CHIC2: variants seen among roughly 807,000 people sequenced by gnomAD.
CHIC2 encodes cysteine-rich hydrophobic domain-containing protein 2.
CHIC2 carries 14 observed loss-of-function variants against 25.9 expected under a neutral mutation model. The observed-to-expected ratio is 0.54, with a 90% CI of 0.36 to 0.85. The LOEUF is 0.85. Among genes scored for constraint, CHIC2 ranks in the 40% least tolerant of loss-of-function variants. The probability of loss-of-function intolerance (pLI) is 0.01; values close to 1 mark genes in which losing one functional copy is unlikely to be tolerated. For missense variants in CHIC2, 146 were observed against 202.0 expected, an observed-to-expected ratio of 0.72 and a Z score of 1.68; for synonymous variants, 70 against 72.0, an observed-to-expected ratio of 0.97 and a Z score of 0.14.
At chr4:54,042,269 AAGAG>A (rs1332189027) in intron 3 of CHIC2, among the ~76,000 whole-genome samples, 1 of 152,210 alleles carries the variant, frequency 6.6e-6, no homozygotes, top group African/African-American at 2.4e-5. Flanking sequence ...ATAAAATACA[AAGAG>A]AGAACTTAAG....
At chr4:54,056,080 T>G (rs1717164905) in intron 1 of CHIC2, among the ~76,000 whole-genome samples, 1 of 152,194 alleles carries the variant, frequency 6.6e-6, no homozygotes, top group Non-Finnish European at 1.5e-5. Context: ...TACTCTATCA[T>G]AAACCTCACC....
At chr4:54,014,015 G>C (rs777972759) in intron 4 of CHIC2, 48 bp downstream of exon 4, 1 of 1,600,930 alleles carries the variant, frequency 6.2e-7, no homozygotes, top group African/African-American at 1.3e-5. Flanking sequence ...TTTCCATACT[G>C]TGCAATTCAG....
chr4:54,075,574 GACTGAGTCTC>G, the CHIC2 span, among the ~76,000 whole-genome samples: 1 of 152,158 alleles, frequency 6.6e-6, no homozygotes, highest in South Asian at 2.1e-4. Context: ...GTTATTTTGA[GACTGAGTCTC>G]ACTCTATTAC....
At chr4:54,025,562 T>C (rs1172445143) in intron 3 of CHIC2, among the ~76,000 whole-genome samples, 1 of 151,522 alleles carries the variant, frequency 6.6e-6, no homozygotes, top group Non-Finnish European at 1.5e-5. Context: ...GACCAACAGG[T>C]AGAAAAGGGG....
rs1044170035 is a variant in CHIC2 at position 54,037,263 on chromosome 4, G to A, written c.330+11692C>T. Among the ~76,000 whole-genome samples, 9 of 152,172 alleles carry A rather than the reference G, an allele frequency of 5.9e-5. 1 individual carries two copies. In the South Asian group the frequency reaches 8.3e-4, roughly 14 times the overall value. ...ACTTGGGAGGCCGAGGTAGGAGGATGAGTGGAGCCTGGGAAGTCTGGGAAG... is the reference window on the plus strand; with the variant it reads ...ACTTGGGAGGCCGAGGTAGGAGGATAAGTGGAGCCTGGGAAGTCTGGGAAG... On this transcript the variant is annotated intron_variant, in intron 3 of 5. Coordinates refer to ENST00000263921, the MANE Select transcript of CHIC2 (RefSeq NM_012110.4).
chr4:54,087,699 A>C, the CHIC2 span: 1 of 538,956 alleles, frequency 1.9e-6, no homozygotes, highest in Non-Finnish European at 3.3e-6. Flanking sequence ...ATGATTTCCT[A>C]AAATATCTGG....
At chr4:54,043,891 G>C (rs1181436173) in intron 3 of CHIC2, among the ~76,000 whole-genome samples, 1 of 152,186 alleles carries the variant, frequency 6.6e-6, no homozygotes, top group Admixed American at 6.5e-5. Flanking sequence ...CCATCAGTGT[G>C]CTGTATTCAG....
chr4:54,085,284 C>G, the CHIC2 span, among the ~76,000 whole-genome samples: 1 of 152,092 alleles, frequency 6.6e-6, no homozygotes, highest in Non-Finnish European at 1.5e-5. Context: ...ATGATAAATT[C>G]TTGCCTTAAC....
intron 1 of CHIC2, among the ~76,000 whole-genome samples, chr4:54,058,893 T>C (rs1350909568): frequency 6.6e-6 from 1 of 152,124 alleles, no homozygotes; most frequent in Non-Finnish European, 1.5e-5. Flanking sequence ...TACATATAAT[T>C]TACTTTTCAC....
chr4:54,016,033 TTG>T (rs1164125931), intron 3 of CHIC2, among the ~76,000 whole-genome samples: 3 of 152,248 alleles, frequency 2.0e-5, no homozygotes, highest in Non-Finnish European at 4.4e-5. Context: ...TGAATCTACC[TTG>T]TAATCTTTCT....
At chr4:54,053,240 T>C (rs1304164816) in intron 1 of CHIC2, among the ~76,000 whole-genome samples, 2 of 152,166 alleles carry the variant, frequency 1.3e-5, no homozygotes, top group Admixed American at 6.6e-5. Context: ...CATCTGGTAG[T>C]ATGTAAAACG....
chr4:54,044,618 T>C (rs892869522), intron 3 of CHIC2, among the ~76,000 whole-genome samples: 4 of 151,942 alleles, frequency 2.6e-5, no homozygotes, highest in Non-Finnish European at 5.9e-5. Context: ...AGACACAACA[T>C]ACCAGAATCT....
At chr4:54,049,441 A>C in intron 1 of CHIC2, 136 bp from the exon 2 acceptor site, 1 of 504,056 alleles carries the variant, frequency 2.0e-6, no homozygotes, top group Non-Finnish European at 3.5e-6. Context: ...TGGAAGTTTG[A>C]GATAAAATAA....
the CHIC2 span, among the ~76,000 whole-genome samples, chr4:54,075,870 C>T: frequency 6.6e-6 from 1 of 152,112 alleles, no homozygotes; most frequent in Non-Finnish European, 1.5e-5. Context: ...TATTTACATA[C>T]TGCTTAATAT....
chr4:54,085,765 G>A, the CHIC2 span, among the ~76,000 whole-genome samples: 2 of 152,112 alleles, frequency 1.3e-5, no homozygotes, highest in African/African-American at 4.8e-5. Context: ...AGGGCCACTG[G>A]ATTTAGAAGC....
At chr4:54,087,680 G>A in the CHIC2 span, 1 of 543,350 alleles carries the variant, frequency 1.8e-6, no homozygotes, top group South Asian at 3.9e-5. Flanking sequence ...TTATTGTTGG[G>A]CCATTTGCAT....
At chr4:54,019,777 G>A (rs116522202) in intron 3 of CHIC2, among the ~76,000 whole-genome samples, 1,632 of 151,926 alleles carry the variant, frequency 0.011, 27 homozygotes, top group African/African-American at 0.037. Flanking sequence ...CATCCCACTC[G>A]GTCTCAAAGG....
chr4:54,020,230 C>T (rs1715857378), intron 3 of CHIC2, among the ~76,000 whole-genome samples: 1 of 152,152 alleles, frequency 6.6e-6, no homozygotes, highest in Admixed American at 6.5e-5. Flanking sequence ...TCTGCCCCAC[C>T]TTAACTGATC....
At chr4:54,060,060 C>T (rs537554787) in intron 1 of CHIC2, 1 of 152,290 alleles carries the variant, frequency 6.6e-6, no homozygotes, top group Non-Finnish European at 1.5e-5. Context: ...AACTCACATT[C>T]AGGTCTCTTA....
Sources: allele counts gnomAD v4.1 joint callset (sites outside exome capture counted in the v4.1 genomes callset), GRCh38; gene constraint gnomAD v4.1.1; transcripts MANE v1.5; gene names NCBI Gene and HGNC (gene_info 2026-07-23, HGNC 2026-07-21).